The following CDH20 variants were observed in gnomAD, a reference collection of about 807,000 sequenced individuals.
CDH20 encodes the protein cadherin 20, also known as cadherin-20.
In CDH20, 29 loss-of-function variants were observed where a neutral mutation model predicts 74.2. That is an observed-to-expected ratio of 0.39 (90% CI 0.29 to 0.53). CDH20 has a LOEUF of 0.53. Ranked by LOEUF, CDH20 falls within the 20% of genes least tolerant of loss-of-function variation. The pLI is 0.69. For missense variants in CDH20, 988 were observed against 1,048.3 expected (o/e 0.94, Z 0.79); for synonymous variants, 469 against 405.4 (o/e 1.16, Z -1.88).
chr18:61,512,993 G>A (rs955698487), intron 6 of CDH20, among the ~76,000 whole-genome samples: 1 of 152,058 alleles, frequency 6.6e-6, no homozygotes, highest in Non-Finnish European at 1.5e-5. Context: ...ATTTGGGGTG[G>A]AGAGTTCTGT....
chr18:61,471,562 C>T (rs1910177404), intron 1 of CDH20, among the ~76,000 whole-genome samples: 1 of 152,124 alleles, frequency 6.6e-6, no homozygotes, highest in African/African-American at 2.4e-5. Context: ...TGAAGAATGG[C>T]TTATTCAATG....
chr18:61,355,585 G>A (rs941117687), intron 1 of CDH20, among the ~76,000 whole-genome samples: 2 of 152,166 alleles, frequency 1.3e-5, no homozygotes, highest in African/African-American at 4.8e-5. Context: ...ACTATTACTT[G>A]CCATTCATCT....
intron 1 of CDH20, among the ~76,000 whole-genome samples, chr18:61,407,286 G>A (rs964945722): frequency 6.6e-6 from 1 of 152,180 alleles, no homozygotes; most frequent in Non-Finnish European, 1.5e-5. Context: ...CCAGGGCCTT[G>A]AGAAAGACAT....
At chr18:61,449,390 T>C (rs1374785714) in intron 1 of CDH20, among the ~76,000 whole-genome samples, 1 of 152,146 alleles carries the variant, frequency 6.6e-6, no homozygotes, top group African/African-American at 2.4e-5. Flanking sequence ...CTAAATATGA[T>C]CTGTCACTCA....
intron 1 of CDH20, among the ~76,000 whole-genome samples, chr18:61,384,768 A>C (rs1016875586): frequency 6.6e-6 from 1 of 152,228 alleles, no homozygotes; most frequent in African/African-American, 2.4e-5. Flanking sequence ...AAAACTAAAA[A>C]GCAAATTTGA....
chr18:61,392,619 T>C (rs1911831746), intron 1 of CDH20, among the ~76,000 whole-genome samples: 1 of 152,136 alleles, frequency 6.6e-6, no homozygotes, highest in Admixed American at 6.5e-5. Context: ...CTTTTCCCCA[T>C]CATTATATCT....
At chr18:61,500,211 T>C (rs1370503874) in intron 3 of CDH20, among the ~76,000 whole-genome samples, 172 bp from the exon 4 acceptor site, 1 of 143,534 alleles carries the variant, frequency 7.0e-6, no homozygotes, top group Non-Finnish European at 1.5e-5. Flanking sequence ...CACAAATAAC[T>C]CTTATCCCTA....
intron 1 of CDH20, among the ~76,000 whole-genome samples, chr18:61,369,504 T>A (rs1268470051): frequency 1.3e-5 from 2 of 152,080 alleles, no homozygotes; most frequent in East Asian, 3.9e-4. Context: ...TTAAAAGAGG[T>A]GTATATTCCA....
intron 1 of CDH20, among the ~76,000 whole-genome samples, chr18:61,430,551 T>C (rs1378820106): frequency 1.3e-5 from 2 of 152,180 alleles, no homozygotes; most frequent in Non-Finnish European, 2.9e-5. Context: ...GAAGCTATGC[T>C]CCACATCTCT....
rs534695760 is a variant in CDH20 at position 61,500,102 on chromosome 18, T to TAAAAAAAAAAAAAAA, written c.542-248_542-234dup. ...CTGGCGACAGAGTGAGACTCCATCT[T>TAAAAAAAAAAAAAAA]AAAAAAAAAAAAAAAAAAAAAAAAA... On this transcript the variant is annotated intron_variant, in intron 3 of 11. Coordinates refer to ENST00000262717, the MANE Select transcript of CDH20 (RefSeq NM_031891.4). 1.1e-4 allele frequency among the ~76,000 whole-genome samples: 6 copies of TAAAAAAAAAAAAAAA among 56,576 alleles called. 1 individual carries two copies. The highest frequency in any genetic ancestry group is 1.5e-4 in the Non-Finnish European group (4 of 27,000). 37.1% of individuals were successfully genotyped at this position (56,576 alleles called of 152,430 possible). A position where few individuals can be genotyped will look rare whatever the true frequency, so the allele number is the denominator to read the frequency against.
chr18:61,453,658 T>C (rs1261005543), intron 1 of CDH20, among the ~76,000 whole-genome samples: 1 of 152,240 alleles, frequency 6.6e-6, no homozygotes, highest in Non-Finnish European at 1.5e-5. Context: ...CCTTTATTGC[T>C]GAGTATTTTC....
In CDH20 at chr18:61,536,618, C is replaced by T; in HGVS notation, c.1397C>T (p.Ala466Val). Reference protein sequence around the residue: ...EFSWHNITVLAMEMNNPSQVG... With the variant: ...EFSWHNITVLVMEMNNPSQVG... ...TCTTGGCATAATATCACTGTCCTTG[C>T]TATGGAAATGAGTAAGTAGCACAGT... The change falls in exon 8 of 12, where the codon GCT becomes GTT. Residue 466 changes from alanine (A) to valine (V), a missense_variant. Physicochemically the swap from Ala to Val is moderately conservative, Grantham distance 64. This residue lies in a region of CDH20 where 613 missense variants were observed against 755.2 expected (regional missense o/e 0.81). Transcript: ENST00000262717. 1 of 1,613,692 alleles carries T rather than the reference C, an allele frequency of 6.2e-7. No individual in the cohort carries two copies. Among genetic ancestry groups the T allele is most frequent in the Non-Finnish European group, 8.5e-7 (1 of 1,179,698 alleles).
intron 1 of CDH20, among the ~76,000 whole-genome samples, chr18:61,441,171 T>C (rs1301646676): frequency 6.6e-6 from 1 of 152,172 alleles, no homozygotes; most frequent in Non-Finnish European, 1.5e-5. Flanking sequence ...AGCCCTCTAA[T>C]AATCCTCTCA....
At chr18:61,406,097 A>C (rs915816960) in intron 1 of CDH20, among the ~76,000 whole-genome samples, 3 of 152,208 alleles carry the variant, frequency 2.0e-5, no homozygotes, top group African/African-American at 7.2e-5. Flanking sequence ...CAGAATTAAC[A>C]TGAAAGCTTT....
rs1050570646 is a variant in CDH20, at chr18:61,353,307, C to G, written c.-153+19480C>G. 1.0e-3 allele frequency among the ~76,000 whole-genome samples: 157 copies of G among 152,160 alleles called. 1 individual carries two copies. Among genetic ancestry groups the G allele is most frequent in the African/African-American group, 3.5e-3 (146 of 41,416 alleles). On this transcript the variant is annotated intron_variant, in intron 1 of 11. Transcript: ENST00000262717. This position sits in a 1 kb window ranked among gnomAD's most constrained non-coding sequence, Gnocchi z 4.6. ...TCCTTTGTTCTTATACTTCTCTGGC[C>G]CTGGGCTTTTCTCATCTACATGCTG...
intron 1 of CDH20, among the ~76,000 whole-genome samples, chr18:61,439,496 A>C (rs1908954683): frequency 6.6e-6 from 1 of 152,134 alleles, no homozygotes; most frequent in Non-Finnish European, 1.5e-5. Flanking sequence ...ATATACCATA[A>C]ATAATAGGTG....
chr18:61,423,839 T>C (rs551382551), intron 1 of CDH20, among the ~76,000 whole-genome samples: 1 of 152,266 alleles, frequency 6.6e-6, no homozygotes, highest in Non-Finnish European at 1.5e-5. Context: ...CAGTGTTTTA[T>C]AGTTTTCTAA....
intron 1 of CDH20, among the ~76,000 whole-genome samples, chr18:61,455,012 C>T (rs1309371513): frequency 6.6e-6 from 1 of 152,142 alleles, no homozygotes; most frequent in Non-Finnish European, 1.5e-5. Flanking sequence ...CCTTGCTTTC[C>T]AAGGCAGTAA....
chr18:61,381,426 G>T (rs1237520432), intron 1 of CDH20, among the ~76,000 whole-genome samples: 1 of 152,082 alleles, frequency 6.6e-6, no homozygotes, highest in Non-Finnish European at 1.5e-5. Flanking sequence ...TTTTGGAGTG[G>T]GTCTATTTAT....
Sources: allele counts gnomAD v4.1 joint callset (sites outside exome capture counted in the v4.1 genomes callset), GRCh38; gene constraint gnomAD v4.1.1; regional missense constraint gnomAD v4.1.1; non-coding constraint Gnocchi (gnomAD v3.1); transcripts MANE v1.5; gene names NCBI Gene and HGNC (gene_info 2026-07-23, HGNC 2026-07-21).